Variants in F13A1 observed in about 807,000 individuals in gnomAD.
F13A1 encodes coagulation factor XIII A chain.
Under a neutral mutation model 80.1 loss-of-function variants are expected in F13A1, and 47 were observed. The ratio of observed to expected loss-of-function variants is 0.59; its 90% CI spans 0.46 to 0.75. The LOEUF (loss-of-function observed/expected upper bound fraction) is 0.75. Ranked by LOEUF, F13A1 falls within the 30% of genes least tolerant of loss-of-function variation. F13A1 has a pLI of 0.00. For missense variants in F13A1, 817 were observed against 930.4 expected, an observed-to-expected ratio of 0.88 and a Z score of 1.59; for synonymous variants, 349 against 344.9, an observed-to-expected ratio of 1.01 and a Z score of -0.13.
chr6:6,177,279 C>T (rs1035734897), intron 11 of F13A1, among the ~76,000 whole-genome samples: 12 of 152,178 alleles, frequency 7.9e-5, no homozygotes, highest in Admixed American at 7.2e-4. Context: ...GCTTTAGCTC[C>T]ACTGTCACCT....
At chr6:6,266,954 G>A (rs1273123326) in intron 3 of F13A1, 145 bp from the exon 4 acceptor site, 2 of 1,197,700 alleles carry the variant, frequency 1.7e-6, no homozygotes, top group Middle Eastern at 2.5e-4. Context: ...AGGCAAGTCT[G>A]CAAATTACTT....
rs138865075 is a variant in F13A1, at chr6:6,318,643, C to T, written c.22G>A (p.Ala8Thr). The T allele has an allele frequency of 4.5e-5, 72 of 1,607,122 alleles. No individual in the cohort carries two copies. Among genetic ancestry groups the T allele is most frequent in the African/African-American group, 4.4e-4 (32 of 73,136 alleles). The part of the protein sequence containing the change: MSETSRT[A>T]FGGRRAVPPN... ...GGAACTGCTCTTCTGCCTCCAAAGG[C>T]GGTCCTGGAAGTTTCTGACATTTTT... The change falls in exon 2 of 15, where the codon GCC becomes ACC. Residue 8 changes from alanine (A) to threonine (T), a missense_variant. By Grantham distance (58) the Ala-to-Thr change is moderately conservative (BLOSUM62 0). Transcript: ENST00000264870.
intron 6 of F13A1, among the ~76,000 whole-genome samples, chr6:6,240,793 T>C (rs891078619): frequency 6.6e-6 from 1 of 152,228 alleles, no homozygotes; most frequent in Non-Finnish European, 1.5e-5. Context: ...TTACTTTGAA[T>C]ACATTAGAGA....
intron 3 of F13A1, among the ~76,000 whole-genome samples, chr6:6,278,680 G>A (rs569038931): frequency 2.6e-5 from 4 of 152,050 alleles, no homozygotes; most frequent in African/African-American, 9.6e-5. Flanking sequence ...GAGATTAGAC[G>A]CCTGGAGCAG....
intron 2 of F13A1, among the ~76,000 whole-genome samples, chr6:6,310,410 AATCT>A (rs1368715314): frequency 6.6e-6 from 1 of 152,320 alleles, no homozygotes; most frequent in Non-Finnish European, 1.5e-5. Flanking sequence ...AAAGTTATTT[AATCT>A]ATCTGAGCCT....
intron 12 of F13A1, 27 bp from the exon 13 acceptor site, chr6:6,167,645 T>C: frequency 6.2e-7 from 1 of 1,611,676 alleles, no homozygotes; most frequent in Non-Finnish European, 8.5e-7. Context: ...CACACAGGCC[T>C]GGCATCAAGA....
chr6:6,171,529 T>C, intron 12 of F13A1, among the ~76,000 whole-genome samples: 1 of 152,044 alleles, frequency 6.6e-6, no homozygotes. Context: ...TTCTCGCTGC[T>C]TCCATCACTG....
intron 2 of F13A1, among the ~76,000 whole-genome samples, chr6:6,312,319 A>G (rs1326119825): frequency 1.3e-5 from 2 of 152,016 alleles, no homozygotes; most frequent in Non-Finnish European, 2.9e-5. Flanking sequence ...CAGTGGTACT[A>G]TAAGTGGGGA....
At chr6:6,170,586 A>G (rs1760755564) in intron 12 of F13A1, among the ~76,000 whole-genome samples, 2 of 152,226 alleles carry the variant, frequency 1.3e-5, no homozygotes, top group South Asian at 4.1e-4. Context: ...GGAGACACAG[A>G]CTGGAGCTGC....
intron 6 of F13A1, among the ~76,000 whole-genome samples, chr6:6,246,077 T>C (rs929143315): frequency 1.3e-5 from 2 of 152,066 alleles, no homozygotes; most frequent in Non-Finnish European, 1.5e-5. Flanking sequence ...AACATTTTCT[T>C]GTGGGCTCTC....
At chr6:6,271,522 C>T (rs1217453272) in intron 3 of F13A1, among the ~76,000 whole-genome samples, 1 of 152,114 alleles carries the variant, frequency 6.6e-6, no homozygotes, top group East Asian at 1.9e-4. Context: ...GTGTTTTTCT[C>T]CCCCAAATCA....
chr6:6,281,837 C>A (rs1758070029), intron 3 of F13A1, among the ~76,000 whole-genome samples: 1 of 151,776 alleles, frequency 6.6e-6, no homozygotes, highest in South Asian at 2.1e-4. Context: ...ACTAAAAATA[C>A]AATAAATTAG....
intron 12 of F13A1, among the ~76,000 whole-genome samples, chr6:6,169,071 C>T (rs933978005): frequency 1.3e-5 from 2 of 152,176 alleles, no homozygotes; most frequent in African/African-American, 4.8e-5. Context: ...CACCTGGGGA[C>T]CCTTAAAGAC....
intron 3 of F13A1, among the ~76,000 whole-genome samples, chr6:6,280,022 A>G (rs1335986276): frequency 6.6e-6 from 1 of 152,240 alleles, no homozygotes; most frequent in Non-Finnish European, 1.5e-5. Context: ...CAAGTGTTAA[A>G]TGAGTTTGCA....
intron 8 of F13A1, among the ~76,000 whole-genome samples, chr6:6,217,678 TAATAAAAATA>T (rs1199561194): frequency 1.3e-5 from 2 of 151,850 alleles, no homozygotes; most frequent in East Asian, 1.9e-4. Flanking sequence ...TAAAGTATAA[TAATAAAAATA>T]AATAAAAATA....
At chr6:6,304,421 T>C (rs1014919535) in intron 3 of F13A1, among the ~76,000 whole-genome samples, 8 of 152,208 alleles carry the variant, frequency 5.3e-5, no homozygotes, top group Non-Finnish European at 7.3e-5. Context: ...TAAATTCCTA[T>C]AGAAATGTTT....
chr6:6,195,182 C>A (rs549032370), intron 10 of F13A1, among the ~76,000 whole-genome samples: 1 of 152,356 alleles, frequency 6.6e-6, no homozygotes, highest in Admixed American at 6.5e-5. Flanking sequence ...CAGTCCCTGC[C>A]TAGTTCTTCT....
intron 6 of F13A1, among the ~76,000 whole-genome samples, chr6:6,238,278 C>T (rs1171693924): frequency 6.6e-6 from 1 of 152,148 alleles, no homozygotes; most frequent in Non-Finnish European, 1.5e-5. Flanking sequence ...GTCTTTTCAA[C>T]AAATGCTGGT....
chr6:6,312,006 T>C (rs1042227650), intron 2 of F13A1, among the ~76,000 whole-genome samples: 7 of 147,958 alleles, frequency 4.7e-5, no homozygotes, highest in Non-Finnish European at 8.9e-5. Context: ...TATGTGTATA[T>C]ATATTATATA....
Sources: gnomAD v4.1 joint callset for allele counts (sites outside exome capture counted in the v4.1 genomes callset) on GRCh38, gnomAD v4.1.1 for gene constraint, MANE v1.5 for transcripts, NCBI Gene and HGNC (gene_info 2026-07-23, HGNC 2026-07-21) for gene names.